The following ATP10D variants were observed in gnomAD, a reference collection of about 807,000 sequenced individuals.
ATP10D encodes phospholipid-transporting ATPase VD.
A neutral mutation model predicts 144.8 loss-of-function variants in ATP10D; 89 were observed. That is an observed-to-expected ratio of 0.61 (90% CI 0.52 to 0.73). The LOEUF (loss-of-function observed/expected upper bound fraction) is 0.73. ATP10D is among the 30% of genes least tolerant of loss of function. The probability of loss-of-function intolerance (pLI) is 0.00; values close to 1 mark genes in which losing one functional copy is unlikely to be tolerated. For missense variants in ATP10D, 1,603 were observed against 1,714.8 expected, an observed-to-expected ratio of 0.93 and a Z score of 1.15; for synonymous variants, 571 against 615.1, an observed-to-expected ratio of 0.93 and a Z score of 1.06.
intron 6 of ATP10D, 117 bp downstream of exon 6, chr4:47,535,732 T>C (rs1717811285): frequency 7.5e-7 from 1 of 1,332,038 alleles, no homozygotes; most frequent in East Asian, 2.5e-5. Context: ...CTGATAAACT[T>C]AATTATTGGT....
chr4:47,517,097 T>G (rs1167254789), intron 3 of ATP10D, among the ~76,000 whole-genome samples: 1 of 152,174 alleles, frequency 6.6e-6, no homozygotes, highest in South Asian at 2.1e-4. Flanking sequence ...TTATATATAT[T>G]TTTGAATACA....
intron 18 of ATP10D, among the ~76,000 whole-genome samples, chr4:47,575,924 C>CTTTT (rs564960460): frequency 7.9e-4 from 65 of 82,290 alleles, no homozygotes; most frequent in African/African-American, 2.3e-3. Flanking sequence ...ACTGGGGTCC[C>CTTTT]TTTTTTTTTT....
At chr4:47,551,454 G>A (rs1423921152) in intron 10 of ATP10D, among the ~76,000 whole-genome samples, 1 of 152,152 alleles carries the variant, frequency 6.6e-6, no homozygotes, top group East Asian at 1.9e-4. Context: ...ATATCTACTT[G>A]AGCCCAGTGG....
chr4:47,559,364 G>A (rs1038013594), intron 13 of ATP10D, among the ~76,000 whole-genome samples: 5 of 152,130 alleles, frequency 3.3e-5, no homozygotes, highest in Non-Finnish European at 5.9e-5. Flanking sequence ...TGATCTCTCT[G>A]TCTTACAGCA....
chr4:47,579,284 A>G (rs1031850714), intron 19 of ATP10D, among the ~76,000 whole-genome samples: 3 of 152,226 alleles, frequency 2.0e-5, no homozygotes, highest in Non-Finnish European at 4.4e-5. Context: ...ATACTTTATT[A>G]ACCCGATAAA....
At chr4:47,584,273 C>A (rs1720672629) in intron 21 of ATP10D, among the ~76,000 whole-genome samples, 1 of 152,144 alleles carries the variant, frequency 6.6e-6, no homozygotes, top group African/African-American at 2.4e-5. Flanking sequence ...TTGGTTTTTA[C>A]CCAGTATTCT....
intron 1 of ATP10D, among the ~76,000 whole-genome samples, chr4:47,502,262 C>CAGG (rs955431736): frequency 1.6e-4 from 24 of 151,998 alleles, no homozygotes; most frequent in African/African-American, 3.4e-4. Context: ...ATCACGAGGT[C>CAGG]AGATCGAGAC....
intron 15 of ATP10D, among the ~76,000 whole-genome samples, chr4:47,568,039 T>C (rs78983088): frequency 6.6e-6 from 1 of 152,344 alleles, no homozygotes; most frequent in Non-Finnish European, 1.5e-5. Flanking sequence ...TCTTCTTGAG[T>C]AGAATTCATT....
Position 47,568,855 on chromosome 4 carries a change from A to C in ATP10D, c.2872A>C (p.Met958Leu). Reference sequence around the variant, plus strand: ...TTTCAAGGATGCCTGTGGGATGCTGATGAGCACAATTTTGAAAGAACTTCA... The same window carrying C: ...TTTCAAGGATGCCTGTGGGATGCTGCTGAGCACAATTTTGAAAGAACTTCA... ...TQSKDACGML[M>L]STILKELQKK... The change falls in exon 16 of 23, where the codon ATG becomes CTG. Residue 958 changes from methionine to leucine, a missense_variant. Physicochemically the swap from Met to Leu is conservative, Grantham distance 15 (BLOSUM62 2). Coordinates refer to ENST00000273859, the MANE Select transcript of ATP10D (RefSeq NM_020453.4). The C allele has an allele frequency of 1.2e-6, 2 of 1,614,026 alleles. No individual in the cohort carries two copies. The highest frequency in any genetic ancestry group is 1.7e-6 in the Non-Finnish European group (2 of 1,179,930).
intron 15 of ATP10D, among the ~76,000 whole-genome samples, chr4:47,567,940 T>G (rs1264692864): frequency 6.6e-6 from 1 of 152,244 alleles, no homozygotes; most frequent in African/African-American, 2.4e-5. Flanking sequence ...ACTTAGTGTA[T>G]AAACTAAACT....
Position 47,504,079 on chromosome 4 carries a change from A to G in ATP10D, c.-37-8425A>G, listed in dbSNP as rs549328512. Among the ~76,000 whole-genome samples, 241 of 152,282 alleles carry G rather than the reference A, an allele frequency of 1.6e-3. 2 individuals carry two copies. The highest frequency in any genetic ancestry group is 5.2e-3 in the African/African-American group (215 of 41,556). On this transcript the variant is annotated intron_variant, in intron 1 of 22. Transcript: ENST00000273859. ...CAGAAAATATTGAATGGCACTAAGA[A>G]CTCCAAGGTGATTTTATTCAGCAAA...
chr4:47,508,802 A>G (rs1716161117), intron 1 of ATP10D, among the ~76,000 whole-genome samples: 1 of 152,226 alleles, frequency 6.6e-6, no homozygotes, highest in Non-Finnish European at 1.5e-5. Context: ...TGTTTATAAA[A>G]CAAAACCATG....
At position 47,582,109 on chromosome 4, in the gene ATP10D, C is replaced by T. The variant is rs751828932; in HGVS notation, c.3753+45C>T. The T allele has an allele frequency of 2.7e-6, 4 of 1,462,562 alleles. No individual in the cohort carries two copies. In the South Asian group the frequency reaches 3.4e-5, roughly 12 times the overall value. 90.6% of individuals were successfully genotyped at this position (1,462,562 alleles called of 1,614,324 possible). A position where few individuals can be genotyped will look rare whatever the true frequency, so the allele number is the denominator to read the frequency against. The stretch of plus-strand genomic sequence containing the variant: ...CTGAAGTAGCCTAAAATCTTTTATG[C>T]TTGGGGATATGTCTTCTATTAGCAG... On this transcript the variant is annotated intron_variant, in intron 21 of 22. Coordinates refer to ENST00000273859, the MANE Select transcript of ATP10D (RefSeq NM_020453.4).
chr4:47,535,895 T>C lies in ATP10D; in HGVS notation c.884-7T>C. The stretch of plus-strand genomic sequence containing the variant: ...ACATTTTCTATCATACTGCACATCC[T>C]TCATAGGCCATGAAACCAAAGCAAT... On this transcript the variant is annotated splice_polypyrimidine_tract_variant and splice_region_variant and intron_variant, in intron 6 of 22. Transcript: ENST00000273859. 6.2e-7 allele frequency: 1 copy of C among 1,610,026 alleles called. No homozygotes were observed. The highest frequency in any genetic ancestry group is 1.1e-5 in the South Asian group (1 of 90,000).
chr4:47,590,981 G>GT (rs66865010), intron 22 of ATP10D, 61 bp from the exon 23 acceptor site: 1 of 1,095,162 alleles, frequency 9.1e-7, no homozygotes, highest in Non-Finnish European at 1.2e-6. Context: ...GTATTTGGGG[G>GT]GGGGGGTTCT....
chr4:47,504,372 A>G (rs559514212), intron 1 of ATP10D, among the ~76,000 whole-genome samples: 51 of 152,316 alleles, frequency 3.3e-4, no homozygotes, highest in Non-Finnish European at 6.8e-4. Context: ...ACCACCAAAG[A>G]TATCAAACCA....
In ATP10D at chr4:47,515,566, G is replaced by A; in HGVS notation, c.381G>A (p.Leu127=). The change falls in exon 3 of 23, where the codon CTG becomes CTA. Residue 127 remains leucine (L), a synonymous_variant. Transcript: ENST00000273859. ...AFQKEITMLP[L]VVVLTIIAIK... ...AAAAGGAAATCACCATGTTGCCTCT[G>A]GTGGTGGTCCTTACAATTATCGCAA... The A allele has an allele frequency of 1.2e-6, 2 of 1,613,540 alleles. No individual in the cohort carries two copies. Among genetic ancestry groups the A allele is most frequent in the Non-Finnish European group, 1.7e-6 (2 of 1,179,510 alleles).
At chr4:47,556,887 A>G (rs952148644) in intron 11 of ATP10D, 1 of 152,192 alleles carries the variant, frequency 6.6e-6, no homozygotes, top group African/African-American at 2.4e-5. Flanking sequence ...AATAAGAAAA[A>G]GTTCTATGAA....
At chr4:47,503,729 T>C (rs183006951) in intron 1 of ATP10D, among the ~76,000 whole-genome samples, 2 of 152,046 alleles carry the variant, frequency 1.3e-5, no homozygotes, top group East Asian at 1.9e-4. Context: ...AGACCCTGTC[T>C]CTACAAAAGA....
Sources: allele counts gnomAD v4.1 joint callset (sites outside exome capture counted in the v4.1 genomes callset), GRCh38; gene constraint gnomAD v4.1.1; transcripts MANE v1.5; gene names NCBI Gene and HGNC (gene_info 2026-07-23, HGNC 2026-07-21).